The following POLE2 variants were observed in gnomAD, a reference collection of about 807,000 sequenced individuals.
The protein encoded by POLE2 is DNA polymerase epsilon 2, accessory subunit.
A neutral mutation model predicts 79.4 loss-of-function variants in POLE2; 56 were observed. The observed-to-expected ratio is 0.71, with a 90% confidence interval of 0.57 to 0.88. The LOEUF (loss-of-function observed/expected upper bound fraction) is 0.88. POLE2 is among the 40% of genes least tolerant of loss of function. POLE2 has a pLI of 0.00. For missense variants in POLE2, 598 were observed against 638.9 expected, an observed-to-expected ratio of 0.94 and a Z score of 0.69; for synonymous variants, 212 against 214.0, an observed-to-expected ratio of 0.99 and a Z score of 0.08.
chr14:49,653,240 C>CA (rs1362575937), intron 15 of POLE2, among the ~76,000 whole-genome samples: 1 of 152,156 alleles, frequency 6.6e-6, no homozygotes, highest in East Asian at 1.9e-4. Context: ...TGTCAATACA[C>CA]AGATGATACT....
chr14:49,661,976 T>A (rs1314325352), intron 10 of POLE2, among the ~76,000 whole-genome samples: 1 of 152,150 alleles, frequency 6.6e-6, no homozygotes, highest in Non-Finnish European at 1.5e-5. Flanking sequence ...GCCAGCCAAC[T>A]CAACTATACC....
intron 2 of POLE2, among the ~76,000 whole-genome samples, chr14:49,683,333 T>TG (rs929081316): frequency 3.2e-4 from 48 of 151,350 alleles, no homozygotes; most frequent in African/African-American, 9.9e-4. Flanking sequence ...ACCCGGGAGG[T>TG]GGGGGTTGCA....
In POLE2 at chr14:49,665,133, T is replaced by A. The variant is rs1180856619; in HGVS notation, c.607A>T (p.Thr203Ser). ...GKFFLEDPTG[T>S]VQLDLSKAQF... ...GCTTTACTAAGGTCTAGTTGGACTG[T>A]TCCAGTAGGATCTTCCAGAAAAAAT... The change falls in exon 8 of 19, where the codon ACA (threonine) becomes TCA (serine). Residue 203 changes from threonine (T) to serine (S), a missense_variant. Physicochemically the swap from Thr to Ser is moderately conservative, Grantham distance 58 (BLOSUM62 1). Coordinates refer to ENST00000216367, the MANE Select transcript of POLE2 (RefSeq NM_002692.4). 1 of 1,413,122 alleles carries A rather than the reference T, an allele frequency of 7.1e-7. No homozygotes were observed. Among genetic ancestry groups the A allele is most frequent in the Admixed American group, 1.7e-5 (1 of 58,284 alleles). 87.5% of individuals were successfully genotyped at this position (1,413,122 alleles called of 1,614,324 possible).
intron 2 of POLE2, chr14:49,681,354 T>C (rs1288484163): frequency 9.4e-6 from 2 of 211,722 alleles, no homozygotes; most frequent in Admixed American, 4.3e-5. Flanking sequence ...CCCCGAAGTA[T>C]ATGGCTGAAA....
At chr14:49,675,960 G>C (rs1886248212) in intron 3 of POLE2, among the ~76,000 whole-genome samples, 1 of 151,878 alleles carries the variant, frequency 6.6e-6, no homozygotes, top group South Asian at 2.1e-4. Flanking sequence ...CACTGTGTTG[G>C]CCAGGCTGGT....
chr14:49,651,556 T>C, intron 15 of POLE2, 179 bp from the exon 16 acceptor site: 1 of 409,540 alleles, frequency 2.4e-6, no homozygotes, highest in Non-Finnish European at 4.3e-6. Context: ...TCTTAATATA[T>C]GCCTACCCCA....
intron 10 of POLE2, among the ~76,000 whole-genome samples, chr14:49,661,182 A>C (rs1052494609): frequency 6.6e-6 from 1 of 151,916 alleles, no homozygotes; most frequent in Non-Finnish European, 1.5e-5. Flanking sequence ...CAGCCTCCCA[A>C]ATCGACACTT....
At chr14:49,654,951 T>C (rs1884542320) in intron 12 of POLE2, 54 bp downstream of exon 12, 2 of 1,369,206 alleles carry the variant, frequency 1.5e-6, no homozygotes, top group African/African-American at 3.1e-5. Context: ...AATTTCTTAT[T>C]ACTTTAGTTT....
chr14:49,686,461 T>C (rs1166133582), intron 1 of POLE2, among the ~76,000 whole-genome samples: 1 of 152,154 alleles, frequency 6.6e-6, no homozygotes, highest in East Asian at 1.9e-4. Flanking sequence ...TTGAAGCGAA[T>C]GCTGTCTGGA....
chr14:49,651,138 C>CA (rs777045581), intron 16 of POLE2, 131 bp downstream of exon 16: 1 of 504,398 alleles, frequency 2.0e-6, no homozygotes, highest in Middle Eastern at 5.3e-4. Context: ...AACTTACTGA[C>CA]AAAAGTACGT....
At chr14:49,671,705 A>C (rs1885912447) in intron 5 of POLE2, among the ~76,000 whole-genome samples, 2 of 150,992 alleles carry the variant, frequency 1.3e-5, no homozygotes, top group Non-Finnish European at 3.0e-5. Context: ...CTGTAATCCC[A>C]GCACTTTGGG....
intron 18 of POLE2, among the ~76,000 whole-genome samples, chr14:49,645,559 G>A (rs1566521774): frequency 6.6e-6 from 1 of 152,214 alleles, no homozygotes; most frequent in Non-Finnish European, 1.5e-5. Flanking sequence ...AAGGCTTTCA[G>A]CATCTGAGGC....
intron 10 of POLE2, among the ~76,000 whole-genome samples, chr14:49,657,615 T>A (rs1399256396): frequency 1.3e-5 from 2 of 152,048 alleles, no homozygotes; most frequent in Non-Finnish European, 2.9e-5. Context: ...CAATTTTGTA[T>A]TTTTAGTAGA....
intron 1 of POLE2, among the ~76,000 whole-genome samples, chr14:49,687,374 TGA>T (rs1203570652): frequency 2.7e-5 from 4 of 148,838 alleles, no homozygotes; most frequent in Admixed American, 6.7e-5. Flanking sequence ...GCAGATTTAA[TGA>T]GAGAAATCTT....
intron 15 of POLE2, 158 bp from the exon 16 acceptor site, chr14:49,651,535 A>G (rs1488037193): frequency 2.1e-6 from 1 of 481,240 alleles, no homozygotes; most frequent in Non-Finnish European, 3.7e-6. Flanking sequence ...TTTAACAGCT[A>G]TGTATTGAGC....
At chr14:49,682,598 C>A (rs1027810381) in intron 2 of POLE2, among the ~76,000 whole-genome samples, 1 of 138,480 alleles carries the variant, frequency 7.2e-6, no homozygotes, top group Non-Finnish European at 1.5e-5. Flanking sequence ...AATAGCACCA[C>A]TGCATTCCAG....
Position 49,643,677 on chromosome 14 carries a change from AT to A in POLE2, c.1566-8del. On this transcript the variant is annotated splice_polypyrimidine_tract_variant and splice_region_variant and intron_variant, in intron 18 of 18. Transcript: ENST00000216367. The stretch of plus-strand genomic sequence containing the variant: ...TCAAAAGCCTTGAAGTTTGCTGAAA[AT>A]AGAAAAAAAAATTAAATATTTGGAA... 7.3e-7 allele frequency: 1 copy of A among 1,364,086 alleles called. No individual in the cohort carries two copies. Among genetic ancestry groups the A allele is most frequent in the Non-Finnish European group, 1.0e-6 (1 of 974,838 alleles). 84.5% of individuals were successfully genotyped at this position (1,364,086 alleles called of 1,614,324 possible). A position where few individuals can be genotyped will look rare whatever the true frequency, so the allele number is the denominator to read the frequency against.
At chr14:49,666,452 T>A (rs769291480) in intron 6 of POLE2, 39 bp from the exon 7 acceptor site, 1 of 900,598 alleles carries the variant, frequency 1.1e-6, no homozygotes, top group South Asian at 2.0e-5. Context: ...ACTGTAAATA[T>A]ATTCTTTCAA....
intron 9 of POLE2, among the ~76,000 whole-genome samples, chr14:49,664,360 G>GA (rs369182497): frequency 0.074 from 7,826 of 105,094 alleles, 571 homozygotes; most frequent in African/African-American, 0.21. Context: ...AAAAAAAAAA[G>GA]AAAAAAAAAA....
Sources: gnomAD v4.1 joint callset for allele counts (sites outside exome capture counted in the v4.1 genomes callset) on GRCh38, gnomAD v4.1.1 for gene constraint, MANE v1.5 for transcripts, NCBI Gene and HGNC (gene_info 2026-07-23, HGNC 2026-07-21) for gene names.